The following MANBA variants were observed in gnomAD, a reference collection of about 807,000 sequenced individuals.
MANBA encodes the protein mannosidase beta, also known as beta-mannosidase.
A neutral mutation model predicts 111.1 loss-of-function variants in MANBA; 83 were observed. The observed-to-expected ratio is 0.75, with a 90% CI of 0.63 to 0.90. The LOEUF is 0.90. MANBA is among the 40% of genes least tolerant of loss of function. The pLI is 0.00. For missense variants in MANBA, 1,036 were observed against 1,069.0 expected, an observed-to-expected ratio of 0.97 and a Z score of 0.43; for synonymous variants, 370 against 378.7, an observed-to-expected ratio of 0.98 and a Z score of 0.27.
chr4:102,673,069 A>G (rs1440846761), intron 8 of MANBA, among the ~76,000 whole-genome samples: 2 of 152,148 alleles, frequency 1.3e-5, no homozygotes, highest in African/African-American at 2.4e-5. Context: ...GTTCTCTTGC[A>G]TATCTGCTAC....
intron 10 of MANBA, 141 bp downstream of exon 10, chr4:102,668,822 C>G: frequency 1.4e-6 from 1 of 698,544 alleles, no homozygotes; most frequent in East Asian, 2.8e-5. Context: ...GGTACAATCA[C>G]CTAGGATGTC....
Position 102,689,676 on chromosome 4 carries a change from A to G in MANBA, c.858T>C (p.Thr286=). The change falls in exon 7 of 17, where the codon ACT becomes ACC. Residue 286 remains threonine (T), a synonymous_variant. Coordinates refer to ENST00000647097, the MANE Select transcript of MANBA (RefSeq NM_005908.4). ...GTCCATGAGGCCACCAAGTTTCTAC[A>G]GTAATATTCTTTTAAGAAAATTTAA... ...ELFVNISKNI[T]VETWWPHGHG... 1.9e-6 allele frequency: 3 copies of G among 1,582,366 alleles called. No individual in the cohort carries two copies. The highest frequency in any genetic ancestry group is 2.6e-6 in the Non-Finnish European group (3 of 1,151,390).
At chr4:102,718,613 G>T (rs142899929) in intron 4 of MANBA, among the ~76,000 whole-genome samples, 1 of 152,368 alleles carries the variant, frequency 6.6e-6, no homozygotes, top group Admixed American at 6.5e-5. Flanking sequence ...GGACAGAAAA[G>T]GAAGCAGAGA....
intron 14 of MANBA, among the ~76,000 whole-genome samples, chr4:102,638,218 G>A (rs1360375603): frequency 6.6e-6 from 1 of 152,090 alleles, no homozygotes; most frequent in Non-Finnish European, 1.5e-5. Context: ...CAGACCAGGT[G>A]TTCAAGACCA....
chr4:102,678,959 G>C (rs952594560), intron 7 of MANBA, among the ~76,000 whole-genome samples: 81 of 152,230 alleles, frequency 5.3e-4, no homozygotes, highest in Non-Finnish European at 1.3e-4. Flanking sequence ...ATTTTCAAAA[G>C]GGCAATTTTC....
intron 2 of MANBA, among the ~76,000 whole-genome samples, chr4:102,725,710 T>C (rs1167771689): frequency 1.3e-5 from 2 of 152,128 alleles, no homozygotes; most frequent in Non-Finnish European, 2.9e-5. Flanking sequence ...TTGGCCTCTT[T>C]CCTGGCACTC....
chr4:102,711,752 T>A lies in MANBA; in HGVS notation c.673+2686A>T, dbSNP rs186368738. On this transcript the variant is annotated intron_variant, in intron 5 of 16. Transcript: ENST00000647097. ...ATGGCTAAAAAAGAATAAAATCATGTCTTCCACAGCAACATGGATGGAACT... is the reference window on the plus strand; with the variant it reads ...ATGGCTAAAAAAGAATAAAATCATGACTTCCACAGCAACATGGATGGAACT... 2.7e-3 allele frequency among the ~76,000 whole-genome samples: 405 copies of A among 152,300 alleles called. 3 individuals are homozygous for A. Among genetic ancestry groups the A allele is most frequent in the African/African-American group, 9.0e-3 (376 of 41,574 alleles).
chr4:102,633,605 G>C, intron 16 of MANBA: 1 of 395,160 alleles, frequency 2.5e-6, no homozygotes, highest in Non-Finnish European at 4.5e-6. Flanking sequence ...ATCTCTTTAA[G>C]AAGGACAAGT....
chr4:102,723,905 T>C lies in MANBA; in HGVS notation c.335A>G (p.Asn112Ser), dbSNP rs1722682842. Residue 112 changes from asparagine (N) to serine (S), a missense_variant, in exon 3 of 17, where the codon AAT (asparagine) becomes AGT (serine). Physicochemically the swap from Asn to Ser is conservative, Grantham distance 46 (BLOSUM62 1). Transcript: ENST00000647097. ...GVDTVSKILF[N>S]EVTIGETDNM... ...GTCTGTTTCCCCAATAGTGACTTCA[T>C]TGAACAGGATTTTTGAAACCGTATC... is the stretch of plus-strand genomic sequence containing the variant. 6.2e-6 allele frequency: 10 copies of C among 1,611,068 alleles called. No homozygotes were observed. The highest frequency in any genetic ancestry group is 8.5e-6 in the Non-Finnish European group (10 of 1,177,670).
intron 1 of MANBA, among the ~76,000 whole-genome samples, chr4:102,749,088 C>A (rs1440272479): frequency 6.6e-6 from 1 of 151,540 alleles, no homozygotes. Context: ...GATCCAGTAC[C>A]TAACAACAGA....
chr4:102,678,954 C>G (rs571602685), intron 7 of MANBA, among the ~76,000 whole-genome samples: 27 of 152,290 alleles, frequency 1.8e-4, no homozygotes, highest in Non-Finnish European at 3.1e-4. Flanking sequence ...ACTACATTTT[C>G]AAAAGGGCAA....
chr4:102,679,469 A>C (rs1731867424), intron 7 of MANBA: 1 of 152,176 alleles, frequency 6.6e-6, no homozygotes, highest in African/African-American at 2.4e-5. Context: ...TAAAACAAAT[A>C]TTAGCGTACA....
intron 1 of MANBA, among the ~76,000 whole-genome samples, chr4:102,745,499 C>T (rs1261707735): frequency 6.6e-6 from 1 of 152,184 alleles, no homozygotes; most frequent in East Asian, 1.9e-4. Flanking sequence ...TGGACCCTCC[C>T]AGCTGGGATG....
chr4:102,723,717 C>T, intron 3 of MANBA, 145 bp downstream of exon 3: 1 of 613,938 alleles, frequency 1.6e-6, no homozygotes, highest in Non-Finnish European at 2.9e-6. Context: ...AATGTGGCAA[C>T]TGAGAAATCA....
chr4:102,753,412 A>G (rs1042206762), intron 1 of MANBA, among the ~76,000 whole-genome samples: 13 of 152,250 alleles, frequency 8.5e-5, no homozygotes, highest in African/African-American at 3.1e-4. Flanking sequence ...TAATCATGTA[A>G]CCTTTCTAAA....
At chr4:102,643,295 C>T (rs1247277585) in intron 13 of MANBA, among the ~76,000 whole-genome samples, 1 of 152,104 alleles carries the variant, frequency 6.6e-6, no homozygotes, top group African/African-American at 2.4e-5. Flanking sequence ...CTTGTCTATT[C>T]GTCAGCTGAA....
chr4:102,698,699 C>G (rs1283317803), intron 5 of MANBA, among the ~76,000 whole-genome samples: 1 of 151,928 alleles, frequency 6.6e-6, no homozygotes, highest in Non-Finnish European at 1.5e-5. Context: ...GGGCTCTATT[C>G]TGTTCCCTTG....
At chr4:102,737,407 TG>T (rs1231960820) in intron 1 of MANBA, among the ~76,000 whole-genome samples, 10 of 151,838 alleles carry the variant, frequency 6.6e-5, no homozygotes, top group African/African-American at 1.5e-4. Context: ...TCAGTGCTGT[TG>T]GGGGGGCACA....
At chr4:102,730,522 T>C in intron 1 of MANBA, 1 of 530,878 alleles carries the variant, frequency 1.9e-6, no homozygotes, top group Non-Finnish European at 3.7e-6. Context: ...TGATTCTACA[T>C]CTTATAGATT....
Sources: gnomAD v4.1 joint callset for allele counts (sites outside exome capture counted in the v4.1 genomes callset) on GRCh38, gnomAD v4.1.1 for gene constraint, MANE v1.5 for transcripts, NCBI Gene and HGNC (gene_info 2026-07-23, HGNC 2026-07-21) for gene names.